The following YTHDF3 variants were observed in gnomAD, a reference collection of about 807,000 sequenced individuals.
YTHDF3 encodes the protein YTH domain-containing family protein 3.
A neutral mutation model predicts 52.5 loss-of-function variants in YTHDF3; 9 were observed. The ratio of observed to expected loss-of-function variants is 0.17; its 90% CI spans 0.10 to 0.30. YTHDF3 has a LOEUF of 0.30. YTHDF3 is among the 10% of genes least tolerant of loss of function. The pLI, the probability that YTHDF3 is intolerant of heterozygous loss-of-function variation, is 1.00. For synonymous variants in YTHDF3, 274 were observed against 243.3 expected (o/e 1.13, Z -1.18); for missense variants, 534 against 715.0 (o/e 0.75, Z 2.89).
chr8:63,177,834 T>G lies in YTHDF3; in HGVS notation c.135+2418T>G, dbSNP rs575086535. Among the ~76,000 whole-genome samples, 16 of 151,968 alleles carry G rather than the reference T, an allele frequency of 1.1e-4. No individual in the cohort carries two copies. The East Asian group carries it at 3.1e-3, about 29-fold the overall frequency. ...GTGCAGTGGCATAATCTTGGCTCACTGCAACCTCTGTCGCCCAGGTTCAAG... is the reference window on the plus strand; with the variant it reads ...GTGCAGTGGCATAATCTTGGCTCACGGCAACCTCTGTCGCCCAGGTTCAAG... On this transcript the variant is annotated intron_variant, in intron 3 of 4. Coordinates refer to ENST00000539294, the MANE Select transcript of YTHDF3 (RefSeq NM_152758.6).
chr8:63,172,711 G>C (rs956310420), intron 2 of YTHDF3: 6 of 1,184,452 alleles, frequency 5.1e-6, no homozygotes, highest in Non-Finnish European at 6.4e-6. Context: ...GTCAGGACCA[G>C]AGCAAAGAAT....
Position 63,180,422 on chromosome 8 carries a change from C to T in YTHDF3, c.135+5006C>T, listed in dbSNP as rs1338775444. ...CTCACTTCCCAGATGGGATGGCGGCCGGGAAGAGGCGCTCCTCACTTCCTA... is the reference window on the plus strand; with the variant it reads ...CTCACTTCCCAGATGGGATGGCGGCTGGGAAGAGGCGCTCCTCACTTCCTA... On this transcript the variant is annotated intron_variant, in intron 3 of 4. Coordinates refer to ENST00000539294, the MANE Select transcript of YTHDF3 (RefSeq NM_152758.6). Among the ~76,000 whole-genome samples, 43 of 148,196 alleles carry T rather than the reference C, an allele frequency of 2.9e-4. 1 individual carries two copies. Among genetic ancestry groups the T allele is most frequent in the African/African-American group, 1.0e-3 (41 of 40,044 alleles).
At position 63,187,841 on chromosome 8, in the gene YTHDF3, A is replaced by AC. The variant is rs557256557; in HGVS notation, c.1734+98dup. ...AGTTTAAGAACTTTCTGTGAAGGAA[A>AC]CCAACTACTTAAGAAACAACTCTAC... is the stretch of plus-strand genomic sequence containing the variant. On this transcript the variant is annotated intron_variant, in intron 4 of 4. Transcript: ENST00000539294. 1.6e-4 allele frequency: 215 copies of AC among 1,341,354 alleles called. No homozygotes were observed. In the East Asian group the frequency reaches 4.8e-3, roughly 30 times the overall value. 83.1% of individuals were successfully genotyped at this position (1,341,354 alleles called of 1,614,324 possible). A position where few individuals can be genotyped will look rare whatever the true frequency, so the allele number is the denominator to read the frequency against.
intron 3 of YTHDF3, among the ~76,000 whole-genome samples, chr8:63,182,403 A>G (rs946863629): frequency 2.0e-5 from 3 of 151,944 alleles, no homozygotes; most frequent in Non-Finnish European, 4.4e-5. Flanking sequence ...AGTTGCTAAA[A>G]GAAAAAAACC....
At chr8:63,208,929 GCCAT>G (rs968870724) in intron 4 of YTHDF3, among the ~76,000 whole-genome samples, 1 of 152,140 alleles carries the variant, frequency 6.6e-6, no homozygotes, top group Non-Finnish European at 1.5e-5. Flanking sequence ...GTGCAATGGT[GCCAT>G]CTTGGCTCAT....
chr8:63,185,710 C>T (rs899390990), intron 3 of YTHDF3, among the ~76,000 whole-genome samples: 3 of 152,082 alleles, frequency 2.0e-5, no homozygotes, highest in East Asian at 1.9e-4. Context: ...CTCTATTATT[C>T]GGCAGAGTTG....
intron 3 of YTHDF3, 76 bp downstream of exon 3, chr8:63,175,492 T>G: frequency 3.5e-6 from 4 of 1,144,154 alleles, no homozygotes; most frequent in Non-Finnish European, 5.1e-6. Flanking sequence ...AATAGATTAT[T>G]TAATGAGATT....
chr8:63,199,140 A>T (rs1468078019), intron 4 of YTHDF3, among the ~76,000 whole-genome samples: 2 of 152,046 alleles, frequency 1.3e-5, no homozygotes, highest in Admixed American at 1.3e-4. Flanking sequence ...ATTTGTTTTT[A>T]TTTTTTCTCA....
At chr8:63,172,743 G>A (rs1441847384) in intron 2 of YTHDF3, 2 of 1,231,012 alleles carry the variant, frequency 1.6e-6, no homozygotes, top group East Asian at 6.3e-5. Flanking sequence ...TAAGGCCCAT[G>A]TTCTATCTTG....
At position 63,186,692 on chromosome 8, in the gene YTHDF3, A is replaced by C; in HGVS notation, c.681A>C (p.Pro227=). 6.2e-7 allele frequency: 1 copy of C among 1,614,004 alleles called. No homozygotes were observed. The highest frequency in any genetic ancestry group is 8.5e-7 in the Non-Finnish European group (1 of 1,179,888). The change falls in exon 4 of 5, where the codon CCA becomes CCC. Residue 227 remains proline (P), a synonymous_variant. Transcript: ENST00000539294. Reference sequence around the variant, plus strand: ...GCATTGCAACCAATAGTGTGCCCCCAGTTAGCAGTGCAGCACCTAAACCAA... The same window carrying C: ...GCATTGCAACCAATAGTGTGCCCCCCGTTAGCAGTGCAGCACCTAAACCAA... ...MTSIATNSVP[P]VSSAAPKPTS... is the part of the protein sequence containing the mutation.
At chr8:63,197,531 A>G (rs1045305682) in intron 4 of YTHDF3, among the ~76,000 whole-genome samples, 1 of 152,196 alleles carries the variant, frequency 6.6e-6, no homozygotes, top group East Asian at 1.9e-4. Flanking sequence ...ATATATCAGG[A>G]ACGGTACCTT....
At chr8:63,169,098 C>G (rs984174295) in intron 1 of YTHDF3, 197 bp downstream of exon 1, 1 of 1,380,676 alleles carries the variant, frequency 7.2e-7, no homozygotes, top group South Asian at 1.7e-5. Context: ...GGCGCGGTGC[C>G]GCGGCGGGTG....
rs1375498529 is a variant in YTHDF3, at chr8:63,187,351, G to A, written c.1340G>A (p.Arg447His). ...IWCSTEHGNKRLDAAYRSLNG... is the reference protein window; with the variant it reads ...IWCSTEHGNKHLDAAYRSLNG... ...TGTAGTACTGAGCATGGTAATAAGC[G>A]TTTGGATGCAGCTTACCGTTCCCTG... The change falls in exon 4 of 5, where the codon CGT becomes CAT. Residue 447 changes from arginine (R) to histidine (H), a missense_variant. By Grantham distance (29) the Arg-to-His change is conservative. Around this residue, in one of 3 missense-constraint regions of YTHDF3, gnomAD observed 135 missense variants for 214.2 expected, o/e 0.63. Transcript: ENST00000539294. 2 of 1,613,970 alleles carry A rather than the reference G, an allele frequency of 1.2e-6. No homozygotes were observed. Among genetic ancestry groups the A allele is most frequent in the East Asian group, 4.5e-5 (2 of 44,884 alleles).
intron 4 of YTHDF3, among the ~76,000 whole-genome samples, chr8:63,201,837 CA>C (rs1351740811): frequency 6.6e-6 from 1 of 152,142 alleles, no homozygotes; most frequent in Non-Finnish European, 1.5e-5. Context: ...TTTATTTTCT[CA>C]AAAAGAGCCC....
chr8:63,187,372 C>T lies in YTHDF3; in HGVS notation c.1361C>T (p.Ser454Phe). 2 of 1,613,976 alleles carry T rather than the reference C, an allele frequency of 1.2e-6. No homozygotes were observed. ...GNKRLDAAYRSLNGKGPLYLL... is the reference protein window; with the variant it reads ...GNKRLDAAYRFLNGKGPLYLL... ...AAGCGTTTGGATGCAGCTTACCGTT[C>T]CCTGAATGGGAAAGGCCCACTCTAT... The change falls in exon 4 of 5, where the codon TCC becomes TTC. Residue 454 changes from serine to phenylalanine, a missense_variant. By Grantham distance (155) the Ser-to-Phe change is radical. Transcript: ENST00000539294.
chr8:63,178,385 AAT>A (rs1337172463), intron 3 of YTHDF3, among the ~76,000 whole-genome samples: 1 of 152,220 alleles, frequency 6.6e-6, no homozygotes, highest in East Asian at 1.9e-4. Flanking sequence ...TAAAAAAAAA[AAT>A]AGTTTTAAAA....
intron 4 of YTHDF3, among the ~76,000 whole-genome samples, chr8:63,207,012 T>C (rs973043045): frequency 2.6e-5 from 4 of 152,236 alleles, no homozygotes; most frequent in African/African-American, 9.6e-5. Flanking sequence ...CTCAGTTTTC[T>C]GTATTCTGTA....
chr8:63,181,468 A>G (rs1212367914), intron 3 of YTHDF3, among the ~76,000 whole-genome samples: 1 of 152,212 alleles, frequency 6.6e-6, no homozygotes, highest in Non-Finnish European at 1.5e-5. Context: ...CTGATTGGCA[A>G]AATAGAACTT....
intron 3 of YTHDF3, among the ~76,000 whole-genome samples, chr8:63,177,567 T>A (rs975933932): frequency 1.3e-5 from 2 of 152,172 alleles, no homozygotes; most frequent in Non-Finnish European, 2.9e-5. Flanking sequence ...CTGAGAAATC[T>A]TAATATTAGG....
Sources: gnomAD v4.1 joint callset for allele counts (sites outside exome capture counted in the v4.1 genomes callset) on GRCh38, gnomAD v4.1.1 for gene constraint, gnomAD v4.1.1 regional missense constraint, MANE v1.5 for transcripts, NCBI Gene and HGNC (gene_info 2026-07-23, HGNC 2026-07-21) for gene names.